Variants in ZNF385D observed in about 807,000 individuals in gnomAD.
The protein encoded by ZNF385D is zinc finger protein 385D, also known as zinc finger protein 659.
Under a neutral mutation model 35.8 loss-of-function variants are expected in ZNF385D, and 15 were observed. The observed-to-expected ratio is 0.42, with a 90% confidence interval of 0.28 to 0.64. The LOEUF (loss-of-function observed/expected upper bound fraction) is 0.64, where lower values mean the gene tolerates loss of function less well. Ranked by LOEUF, ZNF385D falls within the 30% of genes least tolerant of loss-of-function variation. The pLI, the probability that ZNF385D is intolerant of heterozygous loss-of-function variation, is 0.23. For synonymous variants in ZNF385D, 212 were observed against 186.8 expected (o/e 1.13, Z -1.10); for missense variants, 474 against 494.6 (o/e 0.96, Z 0.39).
intron 3 of ZNF385D, among the ~76,000 whole-genome samples, chr3:22,106,348 C>T (rs550766926): frequency 3.9e-4 from 59 of 152,260 alleles, no homozygotes; most frequent in African/African-American, 1.0e-3. Context: ...GATGATGAAA[C>T]TGAGATACCA....
chr3:21,931,215 G>A (rs1700991214), intron 3 of ZNF385D, among the ~76,000 whole-genome samples: 1 of 152,056 alleles, frequency 6.6e-6, no homozygotes, highest in Admixed American at 6.6e-5. Context: ...TAGTAGTTAA[G>A]AAAATGCAAA....
At chr3:21,973,829 G>C (rs1703425070) in intron 3 of ZNF385D, among the ~76,000 whole-genome samples, 2 of 151,714 alleles carry the variant, frequency 1.3e-5, no homozygotes, top group African/African-American at 2.4e-5. Context: ...ATTTATGATA[G>C]CTACAATTAA....
chr3:21,952,883 G>C (rs1702126499), intron 3 of ZNF385D, among the ~76,000 whole-genome samples: 1 of 151,956 alleles, frequency 6.6e-6, no homozygotes, highest in Non-Finnish European at 1.5e-5. Flanking sequence ...GCCAAAGGTA[G>C]AATTGCTAGT....
chr3:22,080,965 T>C (rs1248769570), intron 3 of ZNF385D, among the ~76,000 whole-genome samples: 3 of 152,172 alleles, frequency 2.0e-5, no homozygotes, highest in Admixed American at 1.3e-4. Flanking sequence ...GGAACACATG[T>C]TTGTTGTTCA....
chr3:21,424,199 A>C, intron 6 of ZNF385D, 135 bp from the exon 7 acceptor site: 2 of 638,722 alleles, frequency 3.1e-6, no homozygotes, highest in Non-Finnish European at 2.4e-6. Flanking sequence ...AAGATCATGC[A>C]CTTTTGTCCT....
Position 21,504,129 on chromosome 3 carries a change from A to T in ZNF385D, c.439+6732T>A, listed in dbSNP as rs1211749845. On this transcript the variant is annotated intron_variant, in intron 4 of 7. Coordinates refer to ENST00000281523, the MANE Select transcript of ZNF385D (RefSeq NM_024697.3). ...TAGAACCAGGGAGAAATGTTCTCAG[A>T]CTTTACCAATTAGATGACTAAGGAA... Among the ~76,000 whole-genome samples the T allele has an allele frequency of 3.3e-5, 5 of 152,268 alleles. No individual in the cohort carries two copies. In the East Asian group the frequency reaches 9.6e-4, roughly 29 times the overall value.
At chr3:21,851,802 C>T (rs1696404001) in intron 3 of ZNF385D, among the ~76,000 whole-genome samples, 1 of 151,970 alleles carries the variant, frequency 6.6e-6, no homozygotes. Flanking sequence ...TTTTATCCTT[C>T]TACTTCTTCT....
At chr3:21,553,172 C>G (rs1033353908) in intron 3 of ZNF385D, among the ~76,000 whole-genome samples, 3 of 152,172 alleles carry the variant, frequency 2.0e-5, no homozygotes, top group Non-Finnish European at 4.4e-5. Flanking sequence ...AGAACATAAC[C>G]TTGCAGACAA....
chr3:21,608,262 G>C (rs2064556144), intron 2 of ZNF385D, among the ~76,000 whole-genome samples: 1 of 151,908 alleles, frequency 6.6e-6, no homozygotes, highest in Non-Finnish European at 1.5e-5. Flanking sequence ...GCCCACCTTG[G>C]CCTCCTAAAG....
chr3:21,707,003 T>C (rs746442615), intron 1 of ZNF385D, among the ~76,000 whole-genome samples: 21 of 152,192 alleles, frequency 1.4e-4, no homozygotes, highest in Non-Finnish European at 2.2e-4. Flanking sequence ...TTGAAATGCT[T>C]GATGAAGTTT....
intron 3 of ZNF385D, among the ~76,000 whole-genome samples, chr3:21,966,078 T>G (rs949081873): frequency 2.6e-5 from 4 of 152,174 alleles, no homozygotes; most frequent in Admixed American, 2.6e-4. Flanking sequence ...CTCTCTAGAG[T>G]AAATTTTGCA....
chr3:22,316,342 T>C (rs980168295), intron 2 of ZNF385D, among the ~76,000 whole-genome samples: 1 of 152,226 alleles, frequency 6.6e-6, no homozygotes, highest in Non-Finnish European at 1.5e-5. Context: ...ACAATAACGC[T>C]GTCTCAGTGA....
chr3:21,842,881 A>C (rs778812025), intron 3 of ZNF385D, among the ~76,000 whole-genome samples: 1 of 152,090 alleles, frequency 6.6e-6, no homozygotes, highest in Non-Finnish European at 1.5e-5. Flanking sequence ...TCTTCCATTT[A>C]TGTCAAATAA....
At chr3:21,676,984 A>G (rs1376664959) in intron 1 of ZNF385D, among the ~76,000 whole-genome samples, 2 of 152,106 alleles carry the variant, frequency 1.3e-5, no homozygotes, top group African/African-American at 4.8e-5. Flanking sequence ...GAAACTGCTT[A>G]TAGCCCCAGG....
At chr3:22,077,266 T>A (rs1191516067) in intron 3 of ZNF385D, among the ~76,000 whole-genome samples, 2 of 151,958 alleles carry the variant, frequency 1.3e-5, no homozygotes, top group Admixed American at 1.3e-4. Flanking sequence ...CTGGACTAGA[T>A]TATGTTCCCA....
intron 2 of ZNF385D, among the ~76,000 whole-genome samples, chr3:22,365,806 G>C (rs116002420): frequency 6.6e-6 from 1 of 152,018 alleles, no homozygotes; most frequent in Non-Finnish European, 1.5e-5. Context: ...GAACCCCATA[G>C]CATCCTCTGA....
intron 3 of ZNF385D, among the ~76,000 whole-genome samples, chr3:22,060,484 A>G (rs1699633753): frequency 6.6e-6 from 1 of 152,196 alleles, no homozygotes. Flanking sequence ...ACTTTTTCCA[A>G]AGATGAAATT....
intron 3 of ZNF385D, among the ~76,000 whole-genome samples, chr3:22,042,855 C>A (rs1698751885): frequency 6.6e-6 from 1 of 152,168 alleles, no homozygotes; most frequent in Non-Finnish European, 1.5e-5. Flanking sequence ...TGGAAGATCA[C>A]AGACATATGT....
At chr3:22,312,657 A>G (rs1445756116) in intron 2 of ZNF385D, among the ~76,000 whole-genome samples, 2 of 152,174 alleles carry the variant, frequency 1.3e-5, no homozygotes, top group African/African-American at 4.8e-5. Context: ...AAAAGTGCTC[A>G]TTATCACTGG....
Sources: gnomAD v4.1 joint callset for allele counts (sites outside exome capture counted in the v4.1 genomes callset) on GRCh38, gnomAD v4.1.1 for gene constraint, MANE v1.5 for transcripts, NCBI Gene and HGNC (gene_info 2026-07-23, HGNC 2026-07-21) for gene names.